The following HSD17B11 variants were observed in gnomAD, a reference collection of about 807,000 sequenced individuals.
HSD17B11 encodes the protein estradiol 17-beta-dehydrogenase 11.
Under a neutral mutation model 27.8 loss-of-function variants are expected in HSD17B11, and 22 were observed. The observed-to-expected ratio is 0.79, with a 90% CI of 0.56 to 1.13. The LOEUF (loss-of-function observed/expected upper bound fraction) is 1.13, where lower values mean the gene tolerates loss of function less well. Among genes scored for constraint, HSD17B11 ranks in the 50% most tolerant of loss-of-function variants. The pLI is 0.00. For missense variants in HSD17B11, 314 were observed against 351.1 expected, an observed-to-expected ratio of 0.89 and a Z score of 0.84; for synonymous variants, 117 against 132.8, an observed-to-expected ratio of 0.88 and a Z score of 0.82.
intron 4 of HSD17B11, among the ~76,000 whole-genome samples, chr4:87,361,543 G>A (rs193137110): frequency 2.9e-4 from 44 of 152,194 alleles, no homozygotes; most frequent in Middle Eastern, 3.4e-3. Flanking sequence ...CAAGGCGGGC[G>A]GATCACGAGG....
intron 3 of HSD17B11, chr4:87,374,464 T>A (rs1735780694): frequency 3.1e-6 from 1 of 318,038 alleles, no homozygotes; most frequent in African/African-American, 2.2e-5. Context: ...AATTAAAACA[T>A]ATACAACACC....
chr4:87,339,202 T>C (rs1442426465), intron 6 of HSD17B11, among the ~76,000 whole-genome samples: 1 of 152,234 alleles, frequency 6.6e-6, no homozygotes, highest in Non-Finnish European at 1.5e-5. Context: ...TTACGTAACA[T>C]GACAAGTACA....
chr4:87,369,574 C>T (rs1345427753), intron 4 of HSD17B11, among the ~76,000 whole-genome samples: 2 of 152,056 alleles, frequency 1.3e-5, no homozygotes. Flanking sequence ...GCTGGGACTA[C>T]AAGCACGCAC....
rs1475668111 is a variant in HSD17B11 at position 87,357,418 on chromosome 4, T to G, written c.558-2A>C. The G allele has an allele frequency of 6.2e-7, 1 of 1,610,564 alleles. No individual in the cohort carries two copies. The stretch of plus-strand genomic sequence containing the variant: ...CCAACAGCAGCAAACTTGCTTGAAC[T>G]GAAAATAGAGAGTTTACAAAATAAT... On this transcript the variant is annotated splice_acceptor_variant, in intron 4 of 6. Transcript: ENST00000358290. LOFTEE classifies it high-confidence loss of function.
chr4:87,382,398 G>C (rs1397774049), intron 1 of HSD17B11, 36 bp from the exon 2 acceptor site: 40 of 1,220,636 alleles, frequency 3.3e-5, no homozygotes, highest in Non-Finnish European at 4.6e-5. Flanking sequence ...GGTAATAATT[G>C]ATATGAACAT....
chr4:87,363,696 C>T (rs1735561319), intron 4 of HSD17B11, among the ~76,000 whole-genome samples: 1 of 152,188 alleles, frequency 6.6e-6, no homozygotes, highest in Non-Finnish European at 1.5e-5. Context: ...CCTTTGCAAG[C>T]TCAAAATTAA....
intron 4 of HSD17B11, 37 bp from the exon 5 acceptor site, chr4:87,357,453 C>G (rs893257769): frequency 1.3e-6 from 2 of 1,586,040 alleles, no homozygotes; most frequent in East Asian, 4.5e-5. Context: ...TTCAAGAATT[C>G]TGAAATGTCT....
At chr4:87,379,557 C>A (rs949156703) in intron 2 of HSD17B11, among the ~76,000 whole-genome samples, 2 of 145,132 alleles carry the variant, frequency 1.4e-5, no homozygotes, top group Non-Finnish European at 3.0e-5. Context: ...ACATATACAT[C>A]TACATATACA....
chr4:87,338,742 G>A (rs1735105486), intron 6 of HSD17B11, among the ~76,000 whole-genome samples: 1 of 152,060 alleles, frequency 6.6e-6, no homozygotes, highest in Admixed American at 6.6e-5. Context: ...TTATTATGTT[G>A]CCCAGGCTTG....
chr4:87,344,884 C>G (rs572079413), intron 5 of HSD17B11, among the ~76,000 whole-genome samples: 2 of 152,140 alleles, frequency 1.3e-5, no homozygotes, highest in Non-Finnish European at 2.9e-5. Context: ...AAACAGTACC[C>G]CTAAATAAGC....
At chr4:87,365,643 T>C (rs183797785) in intron 4 of HSD17B11, among the ~76,000 whole-genome samples, 144 of 152,206 alleles carry the variant, frequency 9.5e-4, no homozygotes, top group African/African-American at 3.4e-3. Context: ...AACGTTTTCA[T>C]CAAAAATAAA....
intron 5 of HSD17B11, among the ~76,000 whole-genome samples, chr4:87,356,701 G>A (rs567924391): frequency 6.6e-6 from 1 of 152,266 alleles, no homozygotes; most frequent in Admixed American, 6.5e-5. Flanking sequence ...TTTCTAAAGA[G>A]AGAAAACATT....
intron 6 of HSD17B11, among the ~76,000 whole-genome samples, chr4:87,337,707 T>C (rs1430353687): frequency 6.6e-6 from 1 of 152,178 alleles, no homozygotes; most frequent in Non-Finnish European, 1.5e-5. Context: ...GAATAGGAAC[T>C]AATTTTGTAC....
intron 4 of HSD17B11, among the ~76,000 whole-genome samples, chr4:87,370,439 C>T (rs746396541): frequency 5.3e-5 from 8 of 151,876 alleles, no homozygotes; most frequent in Admixed American, 2.0e-4. Flanking sequence ...TTTTTTGAGA[C>T]GAAGTCTCTC....
chr4:87,383,582 C>T (rs1720227439), intron 1 of HSD17B11, among the ~76,000 whole-genome samples: 1 of 152,132 alleles, frequency 6.6e-6, no homozygotes, highest in South Asian at 2.1e-4. Context: ...CTGGCAAGAT[C>T]ACGCTGCCAC....
rs538828490 is a variant in HSD17B11, at chr4:87,384,339, T to C, written c.211-1977A>G. On this transcript the variant is annotated intron_variant, in intron 1 of 6. Transcript: ENST00000358290. ...CTGTACAAATTGATTGTAAAACATGTGTGTTTGAACAATATGAAATCAGTG... is the reference window on the plus strand; with the variant it reads ...CTGTACAAATTGATTGTAAAACATGCGTGTTTGAACAATATGAAATCAGTG... Among the ~76,000 whole-genome samples the C allele has an allele frequency of 6.6e-5, 10 of 152,320 alleles. No individual in the cohort carries two copies. In the South Asian group the frequency reaches 2.1e-3, roughly 32 times the overall value.
chr4:87,354,722 C>A (rs1052535397), intron 5 of HSD17B11, among the ~76,000 whole-genome samples: 5 of 151,224 alleles, frequency 3.3e-5, no homozygotes, highest in African/African-American at 1.2e-4. Context: ...CAAGTGGCCA[C>A]ACTGAATATT....
At chr4:87,347,116 C>CTTTTTTTTTTTTTTTTTTTT (rs70957224) in intron 5 of HSD17B11, among the ~76,000 whole-genome samples, 2 of 44,314 alleles carry the variant, frequency 4.5e-5, no homozygotes, top group Non-Finnish European at 7.1e-5. Flanking sequence ...TTTTTTTTTT[C>CTTTTTTTTTTTTTTTTTTTT]TTTTTTTTTT....
chr4:87,339,859 C>A (rs951406872), intron 6 of HSD17B11, among the ~76,000 whole-genome samples: 10 of 152,174 alleles, frequency 6.6e-5, no homozygotes, highest in Non-Finnish European at 1.3e-4. Flanking sequence ...CCAGTGTGCA[C>A]CAAAGTTGAG....
Sources: gnomAD v4.1 joint callset for allele counts (sites outside exome capture counted in the v4.1 genomes callset) on GRCh38, gnomAD v4.1.1 for gene constraint, MANE v1.5 for transcripts, NCBI Gene and HGNC (gene_info 2026-07-23, HGNC 2026-07-21) for gene names.